CCDC171: variants seen among roughly 807,000 people sequenced by gnomAD.
The protein encoded by CCDC171 is coiled-coil domain-containing protein 171.
Under a neutral mutation model 168.2 loss-of-function variants are expected in CCDC171, and 177 were observed. The ratio of observed to expected loss-of-function variants is 1.05; its 90% CI spans 0.93 to 1.19. CCDC171 has a LOEUF of 1.19. Ranked by LOEUF, CCDC171 falls within the 50% of genes most tolerant of loss-of-function variation. The probability of loss-of-function intolerance (pLI) is 0.00; values close to 1 mark genes in which losing one functional copy is unlikely to be tolerated. For missense variants in CCDC171, 1,991 were observed against 1,539.0 expected (o/e 1.29, Z -4.91); for synonymous variants, 687 against 540.8 (o/e 1.27, Z -3.75).
chr9:15,831,155 G>A (rs1479672904), intron 21 of CCDC171, among the ~76,000 whole-genome samples: 1 of 151,674 alleles, frequency 6.6e-6, no homozygotes, highest in Admixed American at 6.6e-5. Context: ...TGTATTTTTA[G>A]TAGAGACGGA....
chr9:15,719,512 G>A (rs1406744214), intron 11 of CCDC171, among the ~76,000 whole-genome samples: 2 of 151,548 alleles, frequency 1.3e-5, no homozygotes, highest in African/African-American at 4.9e-5. Flanking sequence ...CATTATTCAA[G>A]TACAAGAAGG....
At chr9:15,698,512 C>T (rs564135806) in intron 11 of CCDC171, among the ~76,000 whole-genome samples, 1 of 105,900 alleles carries the variant, frequency 9.4e-6, no homozygotes, top group Admixed American at 1.1e-4. Flanking sequence ...CAGAGCAAGA[C>T]CCCGTCTCAA....
chr9:15,662,479 A>T (rs2048390725), intron 8 of CCDC171, among the ~76,000 whole-genome samples: 1 of 152,160 alleles, frequency 6.6e-6, no homozygotes, highest in African/African-American at 2.4e-5. Context: ...CCTCACACAG[A>T]GTTCCGTAAC....
intron 9 of CCDC171, among the ~76,000 whole-genome samples, chr9:15,676,383 G>A (rs540270393): frequency 4.0e-5 from 6 of 151,872 alleles, no homozygotes; most frequent in Admixed American, 2.0e-4. Flanking sequence ...CTGTCAACTC[G>A]TCAAACTCAT....
chr9:15,788,365 G>A (rs1307463318), intron 21 of CCDC171, among the ~76,000 whole-genome samples: 1 of 151,958 alleles, frequency 6.6e-6, no homozygotes. Flanking sequence ...TTAAATATTC[G>A]GTTGTGTTTT....
At chr9:15,846,541 C>T (rs79617025) in intron 21 of CCDC171, among the ~76,000 whole-genome samples, 161 bp from the exon 22 acceptor site, 17 of 151,996 alleles carry the variant, frequency 1.1e-4, no homozygotes, top group Admixed American at 1.0e-3. Context: ...CTAATTAGTA[C>T]GTATATAAAA....
intron 24 of CCDC171, among the ~76,000 whole-genome samples, chr9:15,910,819 A>G (rs536206291): frequency 6.6e-6 from 1 of 151,994 alleles, no homozygotes; most frequent in African/African-American, 2.4e-5. Context: ...TCCTTGTGAT[A>G]GTTTGTTGAG....
At chr9:15,989,881 AAG>A (rs1225398323) in intron 3 of CCDC171, among the ~76,000 whole-genome samples, 1 of 152,150 alleles carries the variant, frequency 6.6e-6, no homozygotes, top group African/African-American at 2.4e-5. Flanking sequence ...TTAGAGAAAA[AAG>A]AGTAAAAAGA....
At chr9:15,657,264 G>T (rs1469728362) in intron 8 of CCDC171, 45 bp downstream of exon 8, 1 of 1,216,100 alleles carries the variant, frequency 8.2e-7, no homozygotes, top group Admixed American at 1.9e-5. Context: ...CTTAATTTGT[G>T]TTATAACAGC....
intron 11 of CCDC171, among the ~76,000 whole-genome samples, chr9:15,712,132 T>G (rs149774020): frequency 1.1e-4 from 16 of 152,342 alleles, no homozygotes; most frequent in African/African-American, 3.8e-4. Flanking sequence ...TCTTTCTTAC[T>G]CAGGGTTTTA....
the CCDC171 span, among the ~76,000 whole-genome samples, chr9:16,084,207 C>T: frequency 6.6e-6 from 1 of 152,134 alleles, no homozygotes; most frequent in Non-Finnish European, 1.5e-5. Context: ...TCTTGAGTGC[C>T]ATTTTTGTTT....
At chr9:15,766,290 C>G (rs542360082) in intron 18 of CCDC171, among the ~76,000 whole-genome samples, 1 of 152,220 alleles carries the variant, frequency 6.6e-6, no homozygotes, top group African/African-American at 2.4e-5. Flanking sequence ...TTTTTGCCAA[C>G]ATTCATGAAA....
rs538737217 is a variant in CCDC171, at chr9:15,667,637, C to T, written c.1076+1314C>T. Among the ~76,000 whole-genome samples the T allele has an allele frequency of 2.6e-5, 4 of 152,046 alleles. No individual in the cohort carries two copies. The South Asian group carries it at 8.3e-4, about 32-fold the overall frequency. On this transcript the variant is annotated intron_variant, in intron 9 of 25. Transcript: ENST00000380701. ...CTCCAGCCTGGGCAACAGAGGGAGACTGCATCTCAAAAAAAAGAGAAAAGC... is the reference window on the plus strand; with the variant it reads ...CTCCAGCCTGGGCAACAGAGGGAGATTGCATCTCAAAAAAAAGAGAAAAGC...
intron 11 of CCDC171, among the ~76,000 whole-genome samples, chr9:15,697,158 G>A (rs2051278999): frequency 6.6e-6 from 1 of 152,218 alleles, no homozygotes; most frequent in African/African-American, 2.4e-5. Flanking sequence ...AGCAGTCGAA[G>A]TGTTTATTTC....
chr9:15,566,991 C>G (rs1277650582), intron 2 of CCDC171, among the ~76,000 whole-genome samples: 1 of 148,972 alleles, frequency 6.7e-6, no homozygotes, highest in African/African-American at 2.5e-5. Flanking sequence ...AGGTTTATTT[C>G]TAGAGTCTTA....
intron 6 of CCDC171, among the ~76,000 whole-genome samples, chr9:15,618,165 GTT>G (rs1392008428): frequency 6.6e-6 from 1 of 152,192 alleles, no homozygotes; most frequent in Admixed American, 6.5e-5. Flanking sequence ...CAGGATGAGA[GTT>G]TTATCTGTAA....
intron 4 of CCDC171, 51 bp from the exon 5 acceptor site, chr9:15,591,315 T>A (rs767583470): frequency 8.4e-7 from 1 of 1,193,338 alleles, no homozygotes; most frequent in South Asian, 1.4e-5. Flanking sequence ...TTGGGGCTCC[T>A]TGTTATTTAA....
intron 24 of CCDC171, among the ~76,000 whole-genome samples, chr9:15,912,505 T>A (rs1823834780): frequency 6.6e-6 from 1 of 152,186 alleles, no homozygotes; most frequent in Non-Finnish European, 1.5e-5. Flanking sequence ...CAGAGGTAAT[T>A]GACTTCTTCT....
rs531568715 is a variant in CCDC171 at position 15,633,614 on chromosome 9, G to A, written c.822+10201G>A. Among the ~76,000 whole-genome samples, 132 of 152,288 alleles carry A rather than the reference G, an allele frequency of 8.7e-4. 2 individuals are homozygous for A. The highest frequency in any genetic ancestry group is 1.2e-3 in the Non-Finnish European group (82 of 68,028). On this transcript the variant is annotated intron_variant, in intron 7 of 25. Coordinates refer to ENST00000380701, the MANE Select transcript of CCDC171 (RefSeq NM_173550.4). ...GTTCAACCCTTGTGGAAGTCAGTGT[G>A]GCGATTCCTCAGGAATCTAGTACTA...
Sources: gnomAD v4.1 joint callset for allele counts (sites outside exome capture counted in the v4.1 genomes callset) on GRCh38, gnomAD v4.1.1 for gene constraint, MANE v1.5 for transcripts, NCBI Gene and HGNC (gene_info 2026-07-23, HGNC 2026-07-21) for gene names.